The following SERPINB7 variants were observed in gnomAD, a reference collection of about 807,000 sequenced individuals.
The protein encoded by SERPINB7 is serpin B7.
A neutral mutation model predicts 37.4 loss-of-function variants in SERPINB7; 31 were observed. That is an observed-to-expected ratio of 0.83 (90% confidence interval 0.62 to 1.12). The LOEUF (loss-of-function observed/expected upper bound fraction) is 1.12, where lower values mean the gene tolerates loss of function less well. Ranked by LOEUF, SERPINB7 falls within the 50% of genes most tolerant of loss-of-function variation. SERPINB7 has a pLI of 0.00. For missense variants in SERPINB7, 521 were observed against 455.3 expected (o/e 1.14, Z -1.31); for synonymous variants, 163 against 166.1 (o/e 0.98, Z 0.14).
intron 2 of SERPINB7, among the ~76,000 whole-genome samples, chr18:63,789,030 T>G (rs1464396067): frequency 6.6e-6 from 1 of 152,246 alleles, no homozygotes; most frequent in Non-Finnish European, 1.5e-5. Flanking sequence ...TTTAAAACTT[T>G]GAAGAGCAGA....
Position 63,784,806 on chromosome 18 carries a change from C to A in SERPINB7, c.168+2266C>A, listed in dbSNP as rs186215871. 2.0e-5 allele frequency among the ~76,000 whole-genome samples: 3 copies of A among 152,320 alleles called. No individual in the cohort carries two copies. The East Asian group carries it at 5.8e-4, about 29-fold the overall frequency. On this transcript the variant is annotated intron_variant, in intron 2 of 7. Coordinates refer to ENST00000398019, the MANE Select transcript of SERPINB7 (RefSeq NM_003784.4). Reference sequence around the variant, plus strand: ...AATGTGTTAGACAATGATGTGCAGGCACCATGCCTATGACTAAAGCTTGAT... The same window carrying A: ...AATGTGTTAGACAATGATGTGCAGGAACCATGCCTATGACTAAAGCTTGAT...
intron 2 of SERPINB7, among the ~76,000 whole-genome samples, chr18:63,784,284 G>A (rs2049342837): frequency 6.6e-6 from 1 of 152,084 alleles, no homozygotes; most frequent in Non-Finnish European, 1.5e-5. Flanking sequence ...AATCTTTGTT[G>A]TGAGGGGCTG....
intron 2 of SERPINB7, among the ~76,000 whole-genome samples, chr18:63,783,205 AG>A (rs1161538334): frequency 3.7e-4 from 31 of 82,912 alleles, no homozygotes; most frequent in African/African-American, 1.3e-3. Context: ...AGAGAGAGAG[AG>A]AGAGAGAGAG....
At chr18:63,802,973 C>T (rs1004222115) in intron 7 of SERPINB7, among the ~76,000 whole-genome samples, 2 of 152,080 alleles carry the variant, frequency 1.3e-5, no homozygotes, top group African/African-American at 2.4e-5. Flanking sequence ...CTATAATTCA[C>T]GTGATAATCT....
At chr18:63,787,414 G>A (rs753040886) in intron 2 of SERPINB7, among the ~76,000 whole-genome samples, 6 of 152,096 alleles carry the variant, frequency 3.9e-5, no homozygotes, top group Non-Finnish European at 8.8e-5. Flanking sequence ...TCAAAAGAGA[G>A]TAATATTAGT....
chr18:63,800,710 C>T (rs1372834687), intron 6 of SERPINB7, among the ~76,000 whole-genome samples, 156 bp from the exon 7 acceptor site: 1 of 152,162 alleles, frequency 6.6e-6, no homozygotes, highest in East Asian at 1.9e-4. Context: ...CTAAGATTTG[C>T]ACCAATGCAA....
intron 1 of SERPINB7, among the ~76,000 whole-genome samples, chr18:63,755,316 T>G (rs1351405887): frequency 6.6e-6 from 1 of 152,218 alleles, no homozygotes; most frequent in African/African-American, 2.4e-5. Context: ...CATGGATTCT[T>G]TTCATTTCGT....
rs535195552 is a variant in SERPINB7, at chr18:63,764,728, C to A, written c.-19+11608C>A. ...TAGAAAGTTAAAACAGCTTGTGATG[C>A]ATGGGTATCACACATCTTTTGGGAA... is the stretch of plus-strand genomic sequence containing the variant. On this transcript the variant is annotated intron_variant, in intron 1 of 7. Coordinates refer to the SERPINB7 transcript ENST00000336429. Among the ~76,000 whole-genome samples the A allele has an allele frequency of 7.2e-5, 11 of 152,180 alleles. No individual in the cohort carries two copies. The South Asian group carries it at 2.1e-3, about 29-fold the overall frequency.
intron 2 of SERPINB7, among the ~76,000 whole-genome samples, chr18:63,791,047 C>T (rs1599013255): frequency 6.6e-6 from 1 of 152,104 alleles, no homozygotes; most frequent in East Asian, 1.9e-4. Context: ...AACAGAAAAC[C>T]AAGCACTGCA....
chr18:63,795,541 G>A (rs528085863), intron 4 of SERPINB7, among the ~76,000 whole-genome samples: 1 of 150,978 alleles, frequency 6.6e-6, no homozygotes, highest in South Asian at 2.1e-4. Context: ...AGCCTGCAAG[G>A]GGACAAGAGT....
chr18:63,801,315 A>G (rs1032539472), intron 7 of SERPINB7, among the ~76,000 whole-genome samples: 2 of 152,204 alleles, frequency 1.3e-5, no homozygotes, highest in Non-Finnish European at 2.9e-5. Context: ...GTGTTTGGCC[A>G]TGAATACAGT....
chr18:63,777,516 T>C (rs1384486521), intron 1 of SERPINB7, among the ~76,000 whole-genome samples: 1 of 152,078 alleles, frequency 6.6e-6, no homozygotes, highest in African/African-American at 2.4e-5. Context: ...CTAAATTTAC[T>C]ACATAAAAAT....
intron 1 of SERPINB7, among the ~76,000 whole-genome samples, chr18:63,762,613 T>C (rs1387713089): frequency 6.6e-6 from 1 of 151,906 alleles, no homozygotes; most frequent in Non-Finnish European, 1.5e-5. Context: ...TTGCCTTATT[T>C]CCCCCCCATG....
chr18:63,804,633 T>G lies in SERPINB7; in HGVS notation c.1141T>G (p.Ter381GlyextTer8). The G allele has an allele frequency of 6.2e-7, 1 of 1,602,338 alleles. No homozygotes were observed. ...ATTCAGTGGCAAAGTTTCTTGCCCT[T>G]GAAAATCCAATTGGTTTCTGTTATA... is the stretch of plus-strand genomic sequence containing the variant. ...ILFSGKVSCP[*>G] Residue 381 changes from the stop codon to glycine (G), a stop_lost, in exon 8 of 8, where the codon TGA becomes GGA. Transcript: ENST00000398019.
intron 2 of SERPINB7, among the ~76,000 whole-genome samples, chr18:63,784,378 A>T (rs549049092): frequency 6.6e-6 from 1 of 152,294 alleles, no homozygotes; most frequent in East Asian, 1.9e-4. Flanking sequence ...ACAACCAAAA[A>T]CATTTCCAGA....
chr18:63,798,822 A>G (rs2049517354), intron 6 of SERPINB7, 76 bp downstream of exon 6: 1 of 1,443,196 alleles, frequency 6.9e-7, no homozygotes, highest in Non-Finnish European at 9.6e-7. Flanking sequence ...ATAGTTACAT[A>G]GTAAACTCTA....
upstream of SERPINB7, among the ~76,000 whole-genome samples, chr18:63,773,339 A>C (rs562830808): frequency 2.0e-5 from 3 of 152,132 alleles, no homozygotes; most frequent in South Asian, 6.2e-4. Flanking sequence ...CTTCCAGGGA[A>C]TAGGTTTATA....
chr18:63,803,296 T>C (rs1323597677), intron 7 of SERPINB7, among the ~76,000 whole-genome samples: 2 of 151,960 alleles, frequency 1.3e-5, no homozygotes, highest in East Asian at 3.9e-4. Flanking sequence ...ACCACAAAAC[T>C]GGATAACTAA....
chr18:63,787,661 CAA>C (rs1395102231), intron 2 of SERPINB7, among the ~76,000 whole-genome samples: 1 of 151,902 alleles, frequency 6.6e-6, no homozygotes. Flanking sequence ...CTATTAAAAA[CAA>C]AACAAAACAA....
Sources: gnomAD v4.1 joint callset for allele counts (sites outside exome capture counted in the v4.1 genomes callset) on GRCh38, gnomAD v4.1.1 for gene constraint, MANE v1.5 for transcripts, NCBI Gene and HGNC (gene_info 2026-07-23, HGNC 2026-07-21) for gene names.